GFRA1: variants seen among roughly 807,000 people sequenced by gnomAD.
GFRA1 encodes GDNF family receptor alpha 1.
Under a neutral mutation model 51.6 loss-of-function variants are expected in GFRA1, and 16 were observed. The observed-to-expected ratio is 0.31, with a 90% CI of 0.21 to 0.47. The LOEUF (loss-of-function observed/expected upper bound fraction) is 0.47, where lower values mean the gene tolerates loss of function less well. Ranked by LOEUF, GFRA1 falls within the 20% of genes least tolerant of loss-of-function variation. GFRA1 has a pLI of 1.00. For missense variants in GFRA1, 530 were observed against 594.3 expected, an observed-to-expected ratio of 0.89 and a Z score of 1.13; for synonymous variants, 270 against 241.3, an observed-to-expected ratio of 1.12 and a Z score of -1.10.
At chr10:116,180,660 TC>T (rs1962125795) in intron 5 of GFRA1, among the ~76,000 whole-genome samples, 1 of 152,234 alleles carries the variant, frequency 6.6e-6, no homozygotes, top group African/African-American at 2.4e-5. Flanking sequence ...CATTGGCCTC[TC>T]TGCCTGTTTC....
At position 116,080,913 on chromosome 10, in the gene GFRA1, C is replaced by T. The variant is rs566895432; in HGVS notation, c.1197+8828G>A. ...TAACAAAACTTTGGAGACTGAGCTC[C>T]GGGAGCTTCCTGGGCAGCAAATACA... On this transcript the variant is annotated intron_variant, in intron 9 of 10. Transcript: ENST00000355422. 5.3e-5 allele frequency among the ~76,000 whole-genome samples: 8 copies of T among 152,270 alleles called. 1 individual carries two copies. Among genetic ancestry groups the T allele is most frequent in the African/African-American group, 1.7e-4 (7 of 41,546 alleles).
intron 5 of GFRA1, among the ~76,000 whole-genome samples, chr10:116,155,721 AT>A (rs2134156482): frequency 1.3e-5 from 2 of 152,304 alleles, no homozygotes; most frequent in South Asian, 4.1e-4. Flanking sequence ...CTCATGAAAA[AT>A]GGAAGGTTTG....
In GFRA1 at chr10:116,089,690, C is replaced by A. The variant is rs571985230; in HGVS notation, c.1197+51G>T. 6.1e-6 allele frequency: 9 copies of A among 1,466,306 alleles called. No individual in the cohort carries two copies. In the African/African-American group the frequency reaches 1.1e-4, roughly 18 times the overall value. 90.8% of individuals were successfully genotyped at this position (1,466,306 alleles called of 1,614,324 possible). ...AGAAAATGGGTCTGCCCGTGTTTCA[C>A]CCCCCCACCAGGAAGGGAGCCCCAG... On this transcript the variant is annotated intron_variant, in intron 9 of 10. Transcript: ENST00000355422.
intron 4 of GFRA1, among the ~76,000 whole-genome samples, chr10:116,238,954 C>T (rs549116169): frequency 2.9e-4 from 44 of 152,262 alleles, no homozygotes; most frequent in Non-Finnish European, 2.2e-4. Flanking sequence ...TCAGTTCCCT[C>T]GACTGGGTTC....
At chr10:116,271,768 A>G (rs934005667) in intron 2 of GFRA1, among the ~76,000 whole-genome samples, 1 of 152,136 alleles carries the variant, frequency 6.6e-6, no homozygotes, top group African/African-American at 2.4e-5. Context: ...ATTAAAAACC[A>G]CAGGAAATCA....
At chr10:116,116,134 G>A (rs1288693393) in intron 6 of GFRA1, among the ~76,000 whole-genome samples, 2 of 152,030 alleles carry the variant, frequency 1.3e-5, no homozygotes, top group African/African-American at 4.8e-5. Context: ...CACGCTTGTT[G>A]CCCAGGCTGG....
intron 5 of GFRA1, among the ~76,000 whole-genome samples, chr10:116,151,625 C>A (rs988012810): frequency 6.6e-6 from 1 of 152,046 alleles, no homozygotes; most frequent in Non-Finnish European, 1.5e-5. Context: ...GAGGGAGAGC[C>A]CCTATGGAAT....
In GFRA1 at chr10:116,143,334, T is replaced by TAA. The variant is rs34109837; in HGVS notation, c.434-17779_434-17778dup. 6.8e-4 allele frequency among the ~76,000 whole-genome samples: 98 copies of TAA among 144,496 alleles called. 1 individual carries two copies. The highest frequency in any genetic ancestry group is 3.7e-3 in the East Asian group (18 of 4,922). 94.8% of individuals were successfully genotyped at this position (144,496 alleles called of 152,430 possible). The stretch of plus-strand genomic sequence containing the variant: ...ACTGTCAGTTCAATTTTTTTTTAAT[T>TAA]AAAAAAAAAAAAGGACCTAGAAGGC... On this transcript the variant is annotated intron_variant, in intron 5 of 10. Transcript: ENST00000355422.
At position 116,061,225 on chromosome 10, in the gene GFRA1, T is replaced by C. The variant is rs1954797365; in HGVS notation, c.*3173A>G. On this transcript the variant is annotated 3_prime_UTR_variant, in exon 11 of 11. Transcript: ENST00000355422. ...GAAGACACAACTTCTAAGACATTCT[T>C]ACTACAGCACAAAAGTCTGTTAAAA... 1 of 147,232 alleles carries C rather than the reference T, an allele frequency of 6.8e-6. No homozygotes were observed. The highest frequency in any genetic ancestry group is 1.5e-5 in the Non-Finnish European group (1 of 67,688). The allele number at this position is 147,232 out of a possible 1,614,324, so 9.1% of individuals were successfully genotyped here.
intron 5 of GFRA1, among the ~76,000 whole-genome samples, chr10:116,183,468 A>G (rs1257288085): frequency 6.6e-6 from 1 of 152,192 alleles, no homozygotes; most frequent in Non-Finnish European, 1.5e-5. Flanking sequence ...AATCAAGAGC[A>G]AGTTATGTGA....
At chr10:116,183,796 T>C (rs1962453177) in intron 5 of GFRA1, among the ~76,000 whole-genome samples, 1 of 152,228 alleles carries the variant, frequency 6.6e-6, no homozygotes, top group Non-Finnish European at 1.5e-5. Flanking sequence ...CTCTGCCCAC[T>C]TACTGATCCC....
chr10:116,062,341 T>C lies in GFRA1; in HGVS notation c.*2057A>G. The C allele has an allele frequency of 2.6e-6, 1 of 388,048 alleles. No homozygotes were observed. Among genetic ancestry groups the C allele is most frequent in the Non-Finnish European group, 4.5e-6 (1 of 219,876 alleles). The allele number at this position is 388,048 out of a possible 1,614,324, so 24.0% of individuals were successfully genotyped here. A position where few individuals can be genotyped will look rare whatever the true frequency, so the allele number is the denominator to read the frequency against. On this transcript the variant is annotated 3_prime_UTR_variant, in exon 11 of 11. Transcript: ENST00000355422. ...AATATTTTGACACACTTACTTAATG[T>C]GTTTATTCAAAGTAAGAGTCTTTAT...
chr10:116,252,792 C>T (rs1968496274), intron 4 of GFRA1, among the ~76,000 whole-genome samples: 1 of 152,128 alleles, frequency 6.6e-6, no homozygotes, highest in South Asian at 2.1e-4. Flanking sequence ...TAACAAAGAT[C>T]CAGTCCTTAC....
chr10:116,077,101 A>G (rs1955650701), intron 9 of GFRA1, among the ~76,000 whole-genome samples: 1 of 152,196 alleles, frequency 6.6e-6, no homozygotes, highest in South Asian at 2.1e-4. Flanking sequence ...AGTGTGATCA[A>G]GAGGCCATCT....
chr10:116,163,568 T>C (rs1960050849), intron 5 of GFRA1, among the ~76,000 whole-genome samples: 1 of 152,202 alleles, frequency 6.6e-6, no homozygotes, highest in Non-Finnish European at 1.5e-5. Flanking sequence ...ATTGGAAGCA[T>C]GCCTTCGCCT....
chr10:116,136,769 C>T (rs1185769411), intron 5 of GFRA1, among the ~76,000 whole-genome samples: 1 of 152,036 alleles, frequency 6.6e-6, no homozygotes, highest in Non-Finnish European at 1.5e-5. Flanking sequence ...CTTTGGAATC[C>T]CTGAGCAACA....
At chr10:116,150,061 T>G (rs1959000483) in intron 5 of GFRA1, among the ~76,000 whole-genome samples, 2 of 152,202 alleles carry the variant, frequency 1.3e-5, no homozygotes, top group African/African-American at 4.8e-5. Flanking sequence ...CTTTCGACAC[T>G]GTTCCTCCAT....
intron 6 of GFRA1, among the ~76,000 whole-genome samples, chr10:116,120,002 C>T (rs1957578042): frequency 6.6e-6 from 1 of 152,210 alleles, no homozygotes; most frequent in African/African-American, 2.4e-5. Flanking sequence ...GGGAGGCCTT[C>T]TTGGTTCTGC....
chr10:116,205,596 G>A (rs10565443), intron 5 of GFRA1, among the ~76,000 whole-genome samples: 3 of 140,558 alleles, frequency 2.1e-5, no homozygotes, highest in Non-Finnish European at 4.6e-5. Flanking sequence ...AAAAAAAAAA[G>A]ATATATATAT....
Sources: allele counts gnomAD v4.1 joint callset (sites outside exome capture counted in the v4.1 genomes callset), GRCh38; gene constraint gnomAD v4.1.1; transcripts MANE v1.5; gene names NCBI Gene and HGNC (gene_info 2026-07-23, HGNC 2026-07-21).